Variants in RAPH1 observed in about 807,000 individuals in gnomAD.
RAPH1 encodes Ras association (RalGDS/AF-6) and pleckstrin homology domains 1.
Under a neutral mutation model 88.1 loss-of-function variants are expected in RAPH1, and 18 were observed. The ratio of observed to expected loss-of-function variants is 0.20; its 90% confidence interval spans 0.14 to 0.30. RAPH1 has a LOEUF of 0.30. Ranked by LOEUF, RAPH1 falls within the 10% of genes least tolerant of loss-of-function variation. The pLI is 1.00. For missense variants in RAPH1, 1,448 were observed against 1,543.2 expected (o/e 0.94, Z 1.03); for synonymous variants, 587 against 559.0 (o/e 1.05, Z -0.71).
At chr2:203,477,009 C>T (rs978003264) in intron 4 of RAPH1, 1 of 1,094,224 alleles carries the variant, frequency 9.1e-7, no homozygotes, top group Non-Finnish European at 1.4e-6. Context: ...AAGGTTTCAT[C>T]ATTTGGAGGT....
chr2:203,486,103 A>AAG (rs1687956953), intron 4 of RAPH1, among the ~76,000 whole-genome samples: 1 of 151,840 alleles, frequency 6.6e-6, no homozygotes, highest in South Asian at 2.1e-4. Context: ...CAAAAAAAAA[A>AAG]AAAAGAAAGA....
rs193223010 is a variant in RAPH1, at chr2:203,491,271, G to A, written c.169C>T (p.Arg57Cys). 7.5e-5 allele frequency: 121 copies of A among 1,613,502 alleles called. 1 individual carries two copies. In the Admixed American group the frequency reaches 1.2e-3, roughly 16 times the overall value. ...PMEPVKRSPL[R>C]QETNMANFSY... ...AAGTTGGCCATGTTTGTTTCCTGGC[G>A]AAGAGGAGATCTTTTTACTGGTTCC... The change falls in exon 3 of 14, where the codon CGC (arginine) becomes TGC (cysteine). Residue 57 changes from arginine (R) to cysteine (C), a missense_variant. Around this residue, in one of 2 missense-constraint regions of RAPH1, gnomAD observed 513 missense variants for 653.1 expected, o/e 0.79. Transcript: ENST00000319170.
At chr2:203,455,723 G>C in intron 8 of RAPH1, 143 bp from the exon 9 acceptor site, 1 of 729,840 alleles carries the variant, frequency 1.4e-6, no homozygotes. Flanking sequence ...ACCTCAATTA[G>C]AACTTTCCAG....
At chr2:203,521,652 T>A (rs929763302) in intron 1 of RAPH1, among the ~76,000 whole-genome samples, 4 of 152,134 alleles carry the variant, frequency 2.6e-5, no homozygotes, top group Non-Finnish European at 4.4e-5. Context: ...ATTTTATTTT[T>A]AAAAAATATT....
At chr2:203,488,709 T>C (rs1688106637) in intron 4 of RAPH1, among the ~76,000 whole-genome samples, 2 of 151,250 alleles carry the variant, frequency 1.3e-5, no homozygotes, top group African/African-American at 4.9e-5. Flanking sequence ...GAGAAATTGA[T>C]GTTTAAGAGA....
intron 1 of RAPH1, among the ~76,000 whole-genome samples, chr2:203,529,000 TA>T (rs1265148850): frequency 0.012 from 1,105 of 91,126 alleles, 5 homozygotes; most frequent in Non-Finnish European, 0.016. Context: ...TATATATATA[TA>T]TATATTTTTT....
At chr2:203,482,358 G>A (rs947016874) in intron 4 of RAPH1, among the ~76,000 whole-genome samples, 1 of 152,002 alleles carries the variant, frequency 6.6e-6, no homozygotes, top group Non-Finnish European at 1.5e-5. Flanking sequence ...GCTAATTTAT[G>A]TATTTTTAGT....
intron 4 of RAPH1, among the ~76,000 whole-genome samples, chr2:203,479,530 C>T (rs983562359): frequency 6.6e-6 from 1 of 151,882 alleles, no homozygotes; most frequent in Non-Finnish European, 1.5e-5. Flanking sequence ...ATTGCTTGAA[C>T]CCTGAGGCCA....
At chr2:203,500,215 C>T (rs747055232) in intron 1 of RAPH1, among the ~76,000 whole-genome samples, 1 of 152,050 alleles carries the variant, frequency 6.6e-6, no homozygotes, top group African/African-American at 2.4e-5. Context: ...GTTAAGTGAG[C>T]GTAGTTTAAC....
intron 1 of RAPH1, among the ~76,000 whole-genome samples, chr2:203,522,910 A>AG (rs1689955023): frequency 6.6e-6 from 1 of 151,398 alleles, no homozygotes; most frequent in African/African-American, 2.4e-5. Flanking sequence ...AAAAAAAAAA[A>AG]AAAAAAGAAA....
rs150554886 is a variant in RAPH1, at chr2:203,532,559, T to C, written c.-1+2552A>G. Among the ~76,000 whole-genome samples, 142 of 152,318 alleles carry C rather than the reference T, an allele frequency of 9.3e-4. 2 individuals carry two copies. Among genetic ancestry groups the C allele is most frequent in the Middle Eastern group, 3.4e-3 (1 of 294 alleles). On this transcript the variant is annotated intron_variant, in intron 1 of 13. Coordinates refer to ENST00000319170, the MANE Select transcript of RAPH1 (RefSeq NM_213589.3). ...AGCTCTGCAGTCTTTGGGCAACTTA[T>C]TGTCTGTGCCTATTTTCTCAAATAA... is the stretch of plus-strand genomic sequence containing the variant.
At chr2:203,529,618 T>A (rs1690298421) in intron 1 of RAPH1, among the ~76,000 whole-genome samples, 1 of 151,664 alleles carries the variant, frequency 6.6e-6, no homozygotes, top group African/African-American at 2.4e-5. Flanking sequence ...CCACCTTGGC[T>A]TCCCAAAGTG....
At chr2:203,445,643 CTT>C (rs2098508826) in intron 12 of RAPH1, 1 of 152,342 alleles carries the variant, frequency 6.6e-6, no homozygotes, top group East Asian at 1.9e-4. Context: ...TACAGTGTCT[CTT>C]TGCCGCCTGA....
At chr2:203,494,017 A>AAAAAAAAT (rs1581356790) in intron 2 of RAPH1, among the ~76,000 whole-genome samples, 4 of 129,930 alleles carry the variant, frequency 3.1e-5, no homozygotes, top group Admixed American at 8.0e-5. Flanking sequence ...AAAAAAAAAA[A>AAAAAAAAT]TCCCCCCAAA....
At chr2:203,494,731 C>A (rs887570735) in intron 2 of RAPH1, among the ~76,000 whole-genome samples, 2 of 151,172 alleles carry the variant, frequency 1.3e-5, no homozygotes, top group Non-Finnish European at 2.9e-5. Flanking sequence ...ATGGCGTGAA[C>A]CCCGGAGACG....
At chr2:203,491,855 T>C (rs1317221563) in intron 2 of RAPH1, among the ~76,000 whole-genome samples, 2 of 152,204 alleles carry the variant, frequency 1.3e-5, no homozygotes, top group Non-Finnish European at 2.9e-5. Flanking sequence ...TCAGAGTAAA[T>C]ATCTTTTCAA....
Position 203,439,066 on chromosome 2 carries a change from A to T in RAPH1, c.*371T>A, listed in dbSNP as rs2098500759. ...GACAGACACTTATAAATACCTTCTAAATAAGTGATTAGAAGTTTTTGGTCC... is the reference window on the plus strand; with the variant it reads ...GACAGACACTTATAAATACCTTCTATATAAGTGATTAGAAGTTTTTGGTCC... On this transcript the variant is annotated 3_prime_UTR_variant, in exon 14 of 14. Coordinates refer to ENST00000319170, the MANE Select transcript of RAPH1 (RefSeq NM_213589.3). 1 of 194,852 alleles carries T rather than the reference A, an allele frequency of 5.1e-6. No homozygotes were observed. Among genetic ancestry groups the T allele is most frequent in the Admixed American group, 5.2e-5 (1 of 19,150 alleles). The allele number at this position is 194,852 out of a possible 1,614,324, so 12.1% of individuals were successfully genotyped here. A position where few individuals can be genotyped will look rare whatever the true frequency, so the allele number is the denominator to read the frequency against.
chr2:203,466,436 G>A (rs2098528538), intron 4 of RAPH1, among the ~76,000 whole-genome samples: 1 of 152,132 alleles, frequency 6.6e-6, no homozygotes, highest in African/African-American at 2.4e-5. Flanking sequence ...ATGGGGTGTT[G>A]TATAATACAG....
In RAPH1 at chr2:203,506,877, T is replaced by TATAG. The variant is rs1553630595; in HGVS notation, c.1-11528_1-11525dup. 3.9e-4 allele frequency among the ~76,000 whole-genome samples: 36 copies of TATAG among 93,382 alleles called. 1 individual carries two copies. The highest frequency in any genetic ancestry group is 6.0e-4 in the Non-Finnish European group (28 of 46,712). The allele number at this position is 93,382 out of a possible 152,430, so 61.3% of individuals were successfully genotyped here. A position where few individuals can be genotyped will look rare whatever the true frequency, so the allele number is the denominator to read the frequency against. ...ATATCTATATATATATATATATATA[T>TATAG]ATAGATATATATATATATATATTTT... is the stretch of plus-strand genomic sequence containing the variant. On this transcript the variant is annotated intron_variant, in intron 1 of 13. Coordinates refer to ENST00000319170, the MANE Select transcript of RAPH1 (RefSeq NM_213589.3).
Sources: gnomAD v4.1 joint callset for allele counts (sites outside exome capture counted in the v4.1 genomes callset) on GRCh38, gnomAD v4.1.1 for gene constraint, gnomAD v4.1.1 regional missense constraint, MANE v1.5 for transcripts, NCBI Gene and HGNC (gene_info 2026-07-23, HGNC 2026-07-21) for gene names.